The following PCDH15 variants were observed in gnomAD, a reference collection of about 807,000 sequenced individuals.
PCDH15 encodes the protein protocadherin related 15.
A neutral mutation model predicts 178.5 loss-of-function variants in PCDH15; 129 were observed. The ratio of observed to expected loss-of-function variants is 0.72; its 90% CI spans 0.63 to 0.84. PCDH15 has a LOEUF of 0.84. Among genes scored for constraint, PCDH15 ranks in the 40% least tolerant of loss-of-function variants. The pLI is 0.00. For missense variants in PCDH15, 2,230 were observed against 2,099.9 expected, an observed-to-expected ratio of 1.06 and a Z score of -1.21; for synonymous variants, 800 against 732.0, an observed-to-expected ratio of 1.09 and a Z score of -1.50.
At chr10:54,287,152 T>A (rs933922675) in intron 8 of PCDH15, among the ~76,000 whole-genome samples, 11 of 152,176 alleles carry the variant, frequency 7.2e-5, no homozygotes, top group African/African-American at 2.7e-4. Flanking sequence ...TCATTATAAT[T>A]TTGGTTAAAT....
chr10:54,909,452 G>A (rs1335830062), intron 2 of PCDH15, among the ~76,000 whole-genome samples: 2 of 152,150 alleles, frequency 1.3e-5, no homozygotes, highest in Non-Finnish European at 2.9e-5. Flanking sequence ...TATCAGCACT[G>A]CCTCGAGCAT....
intron 2 of PCDH15, among the ~76,000 whole-genome samples, chr10:54,902,887 A>G (rs1954661206): frequency 6.6e-6 from 1 of 152,118 alleles, no homozygotes; most frequent in African/African-American, 2.4e-5. Flanking sequence ...TTTGTGCTGC[A>G]ATTTCAGCAG....
chr10:54,179,866 T>C (rs2047814790), intron 13 of PCDH15, among the ~76,000 whole-genome samples: 1 of 152,192 alleles, frequency 6.6e-6, no homozygotes, highest in Admixed American at 6.5e-5. Flanking sequence ...ATAGTGTTTA[T>C]GGAGCATTAA....
At chr10:54,247,949 TATATATATATAC>T (rs1400340146) in intron 8 of PCDH15, among the ~76,000 whole-genome samples, 5 of 146,908 alleles carry the variant, frequency 3.4e-5, no homozygotes, top group Non-Finnish European at 7.5e-5. Flanking sequence ...TATATATATA[TATATATATATAC>T]ACATACAGTA....
At chr10:55,486,692 G>T (rs1840305229) in intron 2 of PCDH15, among the ~76,000 whole-genome samples, 1 of 151,356 alleles carries the variant, frequency 6.6e-6, no homozygotes, top group Admixed American at 6.6e-5. Context: ...GTTTTTTAGA[G>T]ATTGGAGTCT....
chr10:53,866,479 T>G (rs2079460030), intron 27 of PCDH15, among the ~76,000 whole-genome samples, 163 bp downstream of exon 27: 1 of 149,774 alleles, frequency 6.7e-6, no homozygotes, highest in Non-Finnish European at 1.5e-5. Context: ...GAACAATATA[T>G]TTACATATTC....
At chr10:54,541,112 C>A (rs956104654) in intron 2 of PCDH15, among the ~76,000 whole-genome samples, 1 of 152,084 alleles carries the variant, frequency 6.6e-6, no homozygotes, top group Non-Finnish European at 1.5e-5. Flanking sequence ...ACAAGGATAC[C>A]ATTCTCCATT....
chr10:54,418,148 G>A (rs1954727801), intron 3 of PCDH15, among the ~76,000 whole-genome samples: 1 of 151,946 alleles, frequency 6.6e-6, no homozygotes, highest in Non-Finnish European at 1.5e-5. Context: ...GGAAAATCAG[G>A]ATAATATTTT....
intron 3 of PCDH15, among the ~76,000 whole-genome samples, chr10:54,863,929 T>G (rs12415813): frequency 0.53 from 80,913 of 151,852 alleles, 22,008 homozygotes; most frequent in East Asian, 0.87. Context: ...TTTGAATACT[T>G]GCCTAATTGG....
intron 1 of PCDH15, among the ~76,000 whole-genome samples, chr10:54,726,841 G>A (rs78200248): frequency 0.013 from 1,957 of 146,714 alleles, 41 homozygotes; most frequent in African/African-American, 0.046. Flanking sequence ...CAACTCATTC[G>A]GATTAAAAAG....
chr10:55,083,865 A>G (rs1436208157), intron 2 of PCDH15, among the ~76,000 whole-genome samples: 2 of 151,762 alleles, frequency 1.3e-5, no homozygotes, highest in Non-Finnish European at 3.0e-5. Context: ...TAACCAAACA[A>G]ATGAAAACTA....
At chr10:55,460,828 A>G (rs951175520) in intron 2 of PCDH15, among the ~76,000 whole-genome samples, 6 of 152,014 alleles carry the variant, frequency 3.9e-5, no homozygotes, top group Non-Finnish European at 8.8e-5. Context: ...TTCTCTCATA[A>G]TAAATCCACT....
chr10:54,915,272 A>G (rs1398522682), intron 2 of PCDH15, among the ~76,000 whole-genome samples: 2 of 152,202 alleles, frequency 1.3e-5, no homozygotes, highest in African/African-American at 4.8e-5. Context: ...TACAATCTCT[A>G]CAACAGAAGA....
intron 1 of PCDH15, among the ~76,000 whole-genome samples, chr10:54,760,213 C>T (rs1213707583): frequency 2.0e-5 from 3 of 151,862 alleles, no homozygotes; most frequent in African/African-American, 7.3e-5. Context: ...ATACCTCCAA[C>T]TGTTTTCCCA....
At chr10:53,808,823 T>TACTA (rs745790712) in intron 37 of PCDH15, 4 of 1,611,230 alleles carry the variant, frequency 2.5e-6, no homozygotes, top group South Asian at 2.2e-5. Flanking sequence ...CTACTGCTAC[T>TACTA]ACTACCTGAT....
At chr10:55,511,068 T>C (rs1840874523) in intron 2 of PCDH15, among the ~76,000 whole-genome samples, 1 of 151,036 alleles carries the variant, frequency 6.6e-6, no homozygotes, top group Admixed American at 6.6e-5. Context: ...TTTTTAGAGA[T>C]ACAGGTCTTT....
chr10:54,116,662 T>C (rs1006017646), intron 15 of PCDH15, among the ~76,000 whole-genome samples: 7 of 152,198 alleles, frequency 4.6e-5, no homozygotes, highest in East Asian at 3.9e-4. Flanking sequence ...TAGATTTGCA[T>C]TGGGCCTTGC....
intron 2 of PCDH15, among the ~76,000 whole-genome samples, chr10:55,419,040 A>G (rs1034907793): frequency 6.6e-6 from 1 of 151,754 alleles, no homozygotes; most frequent in African/African-American, 2.4e-5. Flanking sequence ...TTAAACACAG[A>G]AAAGTTTATG....
At chr10:54,771,360 AC>A (rs1355396234) in intron 1 of PCDH15, among the ~76,000 whole-genome samples, 1 of 152,112 alleles carries the variant, frequency 6.6e-6, no homozygotes, top group African/African-American at 2.4e-5. Context: ...TTAAAGAAAA[AC>A]ATACTTATGT....
Sources: allele counts gnomAD v4.1 joint callset (sites outside exome capture counted in the v4.1 genomes callset), GRCh38; gene constraint gnomAD v4.1.1; transcripts MANE v1.5; gene names NCBI Gene and HGNC (gene_info 2026-07-23, HGNC 2026-07-21).